The following AKR1C4 variants were observed in gnomAD, a reference collection of about 807,000 sequenced individuals.
AKR1C4 encodes the protein 3-alpha-HSD1.
In AKR1C4, 44 loss-of-function variants were observed where a neutral mutation model predicts 41.0. That is an observed-to-expected ratio of 1.07 (90% CI 0.84 to 1.38). The LOEUF (loss-of-function observed/expected upper bound fraction) is 1.38. Among genes scored for constraint, AKR1C4 ranks in the 40% most tolerant of loss-of-function variants. The probability of loss-of-function intolerance (pLI) is 0.00; values close to 1 mark genes in which losing one functional copy is unlikely to be tolerated. For missense variants in AKR1C4, 438 were observed against 387.9 expected, an observed-to-expected ratio of 1.13 and a Z score of -1.09; for synonymous variants, 165 against 137.7, an observed-to-expected ratio of 1.20 and a Z score of -1.39.
In AKR1C4 at chr10:5,216,704, T is replaced by C. The variant is rs782186398; in HGVS notation, c.847-7T>C. The stretch of plus-strand genomic sequence containing the variant: ...CTAAGAATAAACATTTTCTACTTCT[T>C]TGGTAGGTTTTTGAATTCCAGTTGA... On this transcript the variant is annotated splice_region_variant and splice_polypyrimidine_tract_variant and intron_variant, in intron 7 of 8. Coordinates refer to ENST00000263126, the MANE Select transcript of AKR1C4 (RefSeq NM_001818.5). 21 of 1,601,660 alleles carry C rather than the reference T, an allele frequency of 1.3e-5. No homozygotes were observed. Among genetic ancestry groups the C allele is most frequent in the Middle Eastern group, 3.3e-4 (2 of 6,026 alleles).
intron 5 of AKR1C4, among the ~76,000 whole-genome samples, chr10:5,209,649 T>C (rs1295862437): frequency 2.6e-5 from 4 of 152,140 alleles, no homozygotes; most frequent in African/African-American, 9.7e-5. Context: ...ACATCTTACA[T>C]AGATGATGGC....
chr10:5,210,674 C>T (rs973755346), intron 5 of AKR1C4, among the ~76,000 whole-genome samples: 10 of 151,144 alleles, frequency 6.6e-5, no homozygotes, highest in East Asian at 1.9e-4. Context: ...TGCAATGGCG[C>T]TATCTCAGCT....
chr10:5,214,043 A>G (rs1473092369), intron 7 of AKR1C4, among the ~76,000 whole-genome samples: 2 of 151,960 alleles, frequency 1.3e-5, no homozygotes, highest in Non-Finnish European at 2.9e-5. Flanking sequence ...AATATTATGT[A>G]GTAATACAAA....
chr10:5,203,345 G>C (rs11596429), intron 2 of AKR1C4, among the ~76,000 whole-genome samples: 31,684 of 152,094 alleles, frequency 0.21, 3,392 homozygotes, highest in Admixed American at 0.23. Context: ...TGACTTTGCT[G>C]ATGTCCCCTG....
At chr10:5,207,108 G>A (rs1050359038) in intron 5 of AKR1C4, 28 of 162,596 alleles carry the variant, frequency 1.7e-4, no homozygotes, top group Middle Eastern at 2.1e-3. Flanking sequence ...AGGAAGAGAG[G>A]TTCTAAAGCA....
chr10:5,211,175 T>C (rs912641178), intron 5 of AKR1C4, among the ~76,000 whole-genome samples: 8 of 152,178 alleles, frequency 5.3e-5, no homozygotes, highest in African/African-American at 9.7e-5. Context: ...GACACAAAGG[T>C]CTCTGACATG....
chr10:5,202,907 A>G (rs1832421524), intron 2 of AKR1C4, among the ~76,000 whole-genome samples: 1 of 149,048 alleles, frequency 6.7e-6, no homozygotes, highest in South Asian at 2.1e-4. Context: ...TTACATCTGT[A>G]TTCATCAGGG....
rs782395452 is a variant in AKR1C4 at position 5,216,821 on chromosome 10, C to T, written c.929+28C>T. The T allele has an allele frequency of 5.2e-6, 8 of 1,535,312 alleles. No homozygotes were observed. In the South Asian group the frequency reaches 5.8e-5, roughly 11 times the overall value. On this transcript the variant is annotated intron_variant, in intron 8 of 8. Coordinates refer to ENST00000263126, the MANE Select transcript of AKR1C4 (RefSeq NM_001818.5). The stretch of plus-strand genomic sequence containing the variant: ...AAGTAACTTTGGAAAATGGGTTTCC[C>T]AGTTTATTTTTAGAGGAGGAATGTC...
intron 5 of AKR1C4, among the ~76,000 whole-genome samples, chr10:5,212,077 C>G (rs1475593987): frequency 6.6e-6 from 1 of 152,172 alleles, no homozygotes; most frequent in South Asian, 2.1e-4. Flanking sequence ...TGGGGACACA[C>G]AGCCAAAACA....
intron 7 of AKR1C4, among the ~76,000 whole-genome samples, chr10:5,213,903 G>T (rs1343563851): frequency 2.0e-5 from 3 of 151,814 alleles, no homozygotes; most frequent in Non-Finnish European, 4.4e-5. Flanking sequence ...TCCCTTTATG[G>T]TGGTTTTAAT....
rs781850610 is a variant in AKR1C4, at chr10:5,204,406, G to A, written c.282G>A (p.Met94Ile). Residue 94 changes from methionine to isoleucine, a missense_variant, in exon 3 of 9, where the codon ATG (methionine) becomes ATA (isoleucine). By Grantham distance (10) the Met-to-Ile change is conservative. Transcript: ENST00000263126. The part of the protein sequence containing the change: ...KLWCTFFQPQ[M>I]VQPALESSLK... Reference sequence around the variant, plus strand: ...GGTGCACTTTCTTTCAACCACAGATGGTCCAACCAGCCTTGGAAAGCTCAC... The same window carrying A: ...GGTGCACTTTCTTTCAACCACAGATAGTCCAACCAGCCTTGGAAAGCTCAC... The A allele has an allele frequency of 7.4e-6, 12 of 1,613,794 alleles. No homozygotes were observed. In the East Asian group the frequency reaches 2.7e-4, roughly 36 times the overall value.
intron 2 of AKR1C4, among the ~76,000 whole-genome samples, chr10:5,201,768 A>G (rs1343820884): frequency 6.6e-6 from 1 of 152,192 alleles, no homozygotes; most frequent in Non-Finnish European, 1.5e-5. Context: ...TCTTTGATCC[A>G]TCTTGTGTTG....
intron 8 of AKR1C4, 58 bp from the exon 9 acceptor site, chr10:5,218,660 C>A: frequency 7.1e-7 from 1 of 1,412,748 alleles, no homozygotes; most frequent in Non-Finnish European, 1.0e-6. Flanking sequence ...CACTTTGCTA[C>A]CAGCTTTTTA....
chr10:5,209,014 T>C (rs909305742), intron 5 of AKR1C4, among the ~76,000 whole-genome samples: 5 of 146,518 alleles, frequency 3.4e-5, no homozygotes, highest in African/African-American at 8.3e-5. Context: ...GAAGTTATAC[T>C]TGAATGCTTT....
intron 1 of AKR1C4, among the ~76,000 whole-genome samples, chr10:5,197,383 G>C (rs1832327384): frequency 1.3e-5 from 2 of 152,192 alleles, no homozygotes. Context: ...CCTAAAGATG[G>C]GGTGTATGAA....
At chr10:5,208,649 G>A (rs1554797699) in intron 5 of AKR1C4, among the ~76,000 whole-genome samples, 3 of 151,492 alleles carry the variant, frequency 2.0e-5, no homozygotes, top group Non-Finnish European at 4.4e-5. Flanking sequence ...CCCAGTAACA[G>A]TGCAATTATT....
In AKR1C4 at chr10:5,218,728, C is replaced by A; in HGVS notation, c.940C>A (p.His314Asn). The change falls in exon 9 of 9, where the codon CAT becomes AAT. Residue 314 changes from histidine (H) to asparagine (N), a missense_variant. His to Asn is a moderately conservative substitution (Grantham distance 68). Transcript: ENST00000263126. Reference sequence around the variant, plus strand: ...CCTTTCTCTTTTCAGTCTTATGGACCATCCTGATTATCCATTTTCAGATGA... The same window carrying A: ...CCTTTCTCTTTTCAGTCTTATGGACAATCCTGATTATCCATTTTCAGATGA... ...RYVVMDFLMDHPDYPFSDEY is the reference protein window; with the variant it reads ...RYVVMDFLMDNPDYPFSDEY 1 of 1,601,916 alleles carries A rather than the reference C, an allele frequency of 6.2e-7. No homozygotes were observed. Among genetic ancestry groups the A allele is most frequent in the South Asian group, 1.1e-5 (1 of 90,832 alleles).
At chr10:5,205,356 G>T (rs539516483) in intron 3 of AKR1C4, among the ~76,000 whole-genome samples, 34 of 152,266 alleles carry the variant, frequency 2.2e-4, no homozygotes, top group Middle Eastern at 6.8e-3. Context: ...TCCTGCTCAT[G>T]GACTATCAAG....
intron 1 of AKR1C4, among the ~76,000 whole-genome samples, chr10:5,199,154 C>G (rs111428966): frequency 5.3e-5 from 8 of 152,242 alleles, no homozygotes; most frequent in African/African-American, 1.7e-4. Flanking sequence ...TCCAGGGATA[C>G]CCAATCTTTA....
Sources: allele counts gnomAD v4.1 joint callset (sites outside exome capture counted in the v4.1 genomes callset), GRCh38; gene constraint gnomAD v4.1.1; transcripts MANE v1.5; gene names NCBI Gene and HGNC (gene_info 2026-07-23, HGNC 2026-07-21).